Variants in MNAT1 observed in about 807,000 individuals in gnomAD.
MNAT1 encodes the protein CDK-activating kinase assembly factor MAT1.
MNAT1 carries 43 observed loss-of-function variants against 42.0 expected under a neutral mutation model. The ratio of observed to expected loss-of-function variants is 1.02; its 90% CI spans 0.80 to 1.32. The LOEUF is 1.32. MNAT1 is among the 40% of genes most tolerant of loss of function. MNAT1 has a pLI of 0.00. For synonymous variants in MNAT1, 118 were observed against 120.0 expected (o/e 0.98, Z 0.11); for missense variants, 306 against 350.4 (o/e 0.87, Z 1.01).
chr14:60,802,112 A>T (rs1021306438), intron 3 of MNAT1, among the ~76,000 whole-genome samples: 23 of 152,122 alleles, frequency 1.5e-4, no homozygotes, highest in Non-Finnish European at 2.5e-4. Context: ...TGGCTACCAG[A>T]GGCTGTGGGA....
intron 7 of MNAT1, among the ~76,000 whole-genome samples, chr14:60,918,757 T>TATATATATATATATATATATATATA (rs76614015): frequency 6.9e-6 from 1 of 144,642 alleles, no homozygotes; most frequent in African/African-American, 2.5e-5. Flanking sequence ...TATATATATA[T>TATATATATATATATATATATATATA]TTTTGTCCTT....
intron 6 of MNAT1, among the ~76,000 whole-genome samples, chr14:60,868,379 G>A (rs2034251150): frequency 6.6e-6 from 1 of 152,118 alleles, no homozygotes; most frequent in Non-Finnish European, 1.5e-5. Context: ...TTTGGAAATA[G>A]TCACTAGAAT....
intron 6 of MNAT1, among the ~76,000 whole-genome samples, chr14:60,874,690 A>T (rs925568836): frequency 6.6e-6 from 1 of 152,124 alleles, no homozygotes; most frequent in Non-Finnish European, 1.5e-5. Flanking sequence ...TTAGTATATC[A>T]TGCACTTTGA....
chr14:60,889,569 A>G (rs1427081620), intron 7 of MNAT1, among the ~76,000 whole-genome samples: 1 of 152,358 alleles, frequency 6.6e-6, no homozygotes, highest in Middle Eastern at 3.4e-3. Flanking sequence ...AAACACCAAA[A>G]AAAATGGCAA....
At position 60,961,920 on chromosome 14, in the gene MNAT1, G is replaced by A. The variant is rs532765130; in HGVS notation, c.810-6309G>A. On this transcript the variant is annotated intron_variant, in intron 7 of 7. Transcript: ENST00000261245. ...AATTACATTAGACAAACCAGAATCA[G>A]GCACTAGGTTTTTTAAGGAATATTA... is the stretch of plus-strand genomic sequence containing the variant. 1.6e-4 allele frequency among the ~76,000 whole-genome samples: 25 copies of A among 152,240 alleles called. No homozygotes were observed. The South Asian group carries it at 5.0e-3, about 30-fold the overall frequency.
At chr14:60,915,158 T>C (rs2035485045) in intron 7 of MNAT1, among the ~76,000 whole-genome samples, 1 of 152,170 alleles carries the variant, frequency 6.6e-6, no homozygotes, top group Admixed American at 6.5e-5. Context: ...TTCTAAATCT[T>C]AGCTTTTTGT....
intron 6 of MNAT1, among the ~76,000 whole-genome samples, chr14:60,857,789 T>C (rs985002036): frequency 6.7e-6 from 1 of 148,978 alleles, no homozygotes; most frequent in East Asian, 1.9e-4. Context: ...GTGTTCGCAT[T>C]GTTCAACTCT....
At chr14:60,811,787 G>C (rs1258829570) in intron 4 of MNAT1, among the ~76,000 whole-genome samples, 200 bp from the exon 5 acceptor site, 1 of 152,068 alleles carries the variant, frequency 6.6e-6, no homozygotes, top group Admixed American at 6.6e-5. Context: ...TGGTATAACA[G>C]AATAGTTGTT....
At chr14:60,750,231 CTTT>C (rs1186389806) in intron 1 of MNAT1, among the ~76,000 whole-genome samples, 2 of 144,532 alleles carry the variant, frequency 1.4e-5, no homozygotes, top group Non-Finnish European at 1.5e-5. Context: ...TTCTTTCTTT[CTTT>C]TTTTTTTTTT....
chr14:60,940,010 C>G (rs8020097), intron 7 of MNAT1, among the ~76,000 whole-genome samples: 135,032 of 152,110 alleles, frequency 0.89, 60,946 homozygotes, highest in Non-Finnish European at 0.99. Context: ...CTCTCTTGAT[C>G]TTTGTTGGTT....
At chr14:60,913,224 C>T (rs533692616) in intron 7 of MNAT1, among the ~76,000 whole-genome samples, 13 of 152,202 alleles carry the variant, frequency 8.5e-5, no homozygotes, top group South Asian at 2.1e-4. Context: ...GTTGTCCATT[C>T]GTCTAATTTT....
intron 6 of MNAT1, among the ~76,000 whole-genome samples, chr14:60,847,835 G>T (rs2033718975): frequency 6.6e-6 from 1 of 152,028 alleles, no homozygotes. Context: ...ATTTAATTCT[G>T]TATAGCTTCA....
At chr14:60,947,647 C>G (rs141571315) in intron 7 of MNAT1, among the ~76,000 whole-genome samples, 3 of 152,270 alleles carry the variant, frequency 2.0e-5, no homozygotes, top group African/African-American at 7.2e-5. Context: ...TGTGCCACTG[C>G]ACTCCAGCCT....
At chr14:60,937,319 G>T (rs1207667510) in intron 7 of MNAT1, among the ~76,000 whole-genome samples, 1 of 152,090 alleles carries the variant, frequency 6.6e-6, no homozygotes, top group African/African-American at 2.4e-5. Context: ...TGTCCTGAAT[G>T]GTATTGCCTA....
chr14:60,918,034 C>T (rs1444402571), intron 7 of MNAT1, among the ~76,000 whole-genome samples: 1 of 151,836 alleles, frequency 6.6e-6, no homozygotes, highest in Non-Finnish European at 1.5e-5. Context: ...TTATCTCTTA[C>T]TCTTTTTGTC....
rs4151246 is a variant in MNAT1, at chr14:60,838,244, C to T, written c.687+19397C>T. On this transcript the variant is annotated intron_variant, in intron 6 of 7. Transcript: ENST00000261245. ...TCTACTTCCTGGGCTCAAGCAGTTA[C>T]CCTGCCTCAGCCTCCTGAGTTGCTG... is the stretch of plus-strand genomic sequence containing the variant. 1.7e-3 allele frequency among the ~76,000 whole-genome samples: 264 copies of T among 152,002 alleles called. 1 individual carries two copies. Among genetic ancestry groups the T allele is most frequent in the African/African-American group, 5.6e-3 (233 of 41,466 alleles).
intron 6 of MNAT1, among the ~76,000 whole-genome samples, chr14:60,856,594 G>A (rs936607209): frequency 6.6e-6 from 1 of 152,022 alleles, no homozygotes; most frequent in African/African-American, 2.4e-5. Flanking sequence ...TCAATGCCCG[G>A]TTTCAAAGTT....
At chr14:60,927,741 A>G (rs941428835) in intron 7 of MNAT1, among the ~76,000 whole-genome samples, 1 of 152,090 alleles carries the variant, frequency 6.6e-6, no homozygotes, top group South Asian at 2.1e-4. Flanking sequence ...GCCTCTACCC[A>G]CGGTGAGGCT....
chr14:60,963,572 A>T (rs1158711278), intron 7 of MNAT1, among the ~76,000 whole-genome samples: 1 of 152,182 alleles, frequency 6.6e-6, no homozygotes. Context: ...TGAACTTCCT[A>T]CAAGAGCTGT....
Sources: gnomAD v4.1 joint callset for allele counts (sites outside exome capture counted in the v4.1 genomes callset) on GRCh38, gnomAD v4.1.1 for gene constraint, MANE v1.5 for transcripts, NCBI Gene and HGNC (gene_info 2026-07-23, HGNC 2026-07-21) for gene names.